The following ATR variants were observed in gnomAD, a reference collection of about 807,000 sequenced individuals.
ATR encodes ATR checkpoint kinase, also known as serine/threonine-protein kinase ATR.
ATR carries 142 observed loss-of-function variants against 305.3 expected under a neutral mutation model. The observed-to-expected ratio is 0.47, with a 90% confidence interval of 0.41 to 0.53. ATR has a LOEUF of 0.53. Among genes scored for constraint, ATR ranks in the 20% least tolerant of loss-of-function variants. The probability of loss-of-function intolerance (pLI) is 0.00; values close to 1 mark genes in which losing one functional copy is unlikely to be tolerated. For synonymous variants in ATR, 1,050 were observed against 1,068.1 expected, an observed-to-expected ratio of 0.98 and a Z score of 0.33; for missense variants, 2,135 against 3,133.1, an observed-to-expected ratio of 0.68 and a Z score of 7.60.
rs200133147 is a variant in ATR at position 142,536,121 on chromosome 3, T to C, written c.3806A>G (p.Gln1269Arg). 1.3e-6 allele frequency: 2 copies of C among 1,576,926 alleles called. No homozygotes were observed. The highest frequency in any genetic ancestry group is 1.7e-5 in the Admixed American group (1 of 59,814). Reference sequence around the variant, plus strand: ...AAAATTAAATACCTTTCTGTATTCCTGGAGAACGGCTTTTATCTTTTTTAA... The same window carrying C: ...AAAATTAAATACCTTTCTGTATTCCCGGAGAACGGCTTTTATCTTTTTTAA... ...PELKKIKAVL[Q>R]EYRKETSEST... Residue 1269 changes from glutamine to arginine, a missense_variant, in exon 20 of 47, where the codon CAG becomes CGG. Transcript: ENST00000350721.
rs947429668 is a variant in ATR at position 142,535,100 on chromosome 3, C to T, written c.3925G>A (p.Glu1309Lys). 12 of 1,612,346 alleles carry T rather than the reference C, an allele frequency of 7.4e-6. No homozygotes were observed. The highest frequency in any genetic ancestry group is 1.0e-5 in the Non-Finnish European group (12 of 1,178,842). The change falls in exon 21 of 47, where the codon GAA (glutamate) becomes AAA (lysine). Residue 1309 changes from glutamate to lysine, a missense_variant. Transcript: ENST00000350721. Reference protein sequence around the residue: ...VRIHALTSLKETLYKNQEKLI... With the variant: ...VRIHALTSLKKTLYKNQEKLI... ...CATACCTGATTTTTATACAAGGTTTCCTTCAAGCTTGTAAGAGCATGAATA... is the reference window on the plus strand; with the variant it reads ...CATACCTGATTTTTATACAAGGTTTTCTTCAAGCTTGTAAGAGCATGAATA...
chr3:142,500,443 T>C (rs1312710503), intron 30 of ATR, among the ~76,000 whole-genome samples: 2 of 152,202 alleles, frequency 1.3e-5, no homozygotes, highest in Non-Finnish European at 2.9e-5. Flanking sequence ...TTCCTCATGT[T>C]TCTTTTTTAT....
intron 16 of ATR, among the ~76,000 whole-genome samples, chr3:142,543,479 A>G (rs1031793771): frequency 4.7e-5 from 4 of 84,632 alleles, no homozygotes; most frequent in Admixed American, 3.3e-4. Flanking sequence ...CTTCCCTTCC[A>G]TTCCTCCCTC....
chr3:142,567,342 C>T (rs753534336), intron 2 of ATR, among the ~76,000 whole-genome samples: 4 of 152,082 alleles, frequency 2.6e-5, no homozygotes, highest in Non-Finnish European at 2.9e-5. Flanking sequence ...GTAGTCTAAA[C>T]GGAGGGAATA....
intron 36 of ATR, among the ~76,000 whole-genome samples, chr3:142,471,046 C>T (rs1389040301): frequency 6.6e-6 from 1 of 152,092 alleles, no homozygotes; most frequent in Non-Finnish European, 1.5e-5. Flanking sequence ...ATTCCCCCTC[C>T]AGAACTTTTT....
At chr3:142,518,920 C>T (rs2033025222) in intron 24 of ATR, among the ~76,000 whole-genome samples, 1 of 152,050 alleles carries the variant, frequency 6.6e-6, no homozygotes, top group Admixed American at 6.6e-5. Context: ...AGATTAAATA[C>T]ATTTTTTTAA....
intron 18 of ATR, 35 bp downstream of exon 18, chr3:142,540,869 A>C (rs2034025475): frequency 6.4e-7 from 1 of 1,560,068 alleles, no homozygotes; most frequent in Non-Finnish European, 8.7e-7. Context: ...AAATGCAAAA[A>C]AAAAAAAAAT....
At chr3:142,470,735 C>G (rs140269332) in intron 36 of ATR, among the ~76,000 whole-genome samples, 1 of 152,042 alleles carries the variant, frequency 6.6e-6, no homozygotes, top group African/African-American at 2.4e-5. Flanking sequence ...CTTTTATCTC[C>G]ATAATTTTCC....
At chr3:142,507,489 G>A (rs978720858) in intron 28 of ATR, among the ~76,000 whole-genome samples, 124 of 152,032 alleles carry the variant, frequency 8.2e-4, no homozygotes, top group African/African-American at 2.8e-3. Context: ...TCCCTAGTTC[G>A]CACCCTCCAA....
intron 24 of ATR, among the ~76,000 whole-genome samples, chr3:142,516,041 T>G: frequency 6.6e-6 from 1 of 152,214 alleles, no homozygotes; most frequent in South Asian, 2.1e-4. Context: ...TTCTTCACTT[T>G]GAAATCAATT....
intron 33 of ATR, 44 bp downstream of exon 33, chr3:142,496,969 A>C (rs769733556): frequency 1.3e-6 from 2 of 1,570,772 alleles, no homozygotes; most frequent in Non-Finnish European, 1.7e-6. Flanking sequence ...CCAAATACCA[A>C]ATTCAAGATA....
intron 18 of ATR, 104 bp downstream of exon 18, chr3:142,540,796 CTTAT>C (rs2034023194): frequency 7.7e-7 from 1 of 1,293,964 alleles, no homozygotes; most frequent in Non-Finnish European, 1.1e-6. Context: ...GTCTTTCTAC[CTTAT>C]TTATTATTTG....
At chr3:142,517,001 A>T (rs1024193624) in intron 24 of ATR, among the ~76,000 whole-genome samples, 1 of 148,544 alleles carries the variant, frequency 6.7e-6, no homozygotes, top group Admixed American at 6.7e-5. Flanking sequence ...ATATATATAT[A>T]TATATACATA....
chr3:142,545,825 T>G (rs2034250173), intron 16 of ATR, among the ~76,000 whole-genome samples: 1 of 152,204 alleles, frequency 6.6e-6, no homozygotes, highest in African/African-American at 2.4e-5. Flanking sequence ...TCTCAGGTTT[T>G]GTCTCATGCA....
intron 28 of ATR, among the ~76,000 whole-genome samples, chr3:142,506,776 T>C (rs771223203): frequency 2.8e-4 from 42 of 152,158 alleles, no homozygotes; most frequent in Non-Finnish European, 4.3e-4. Flanking sequence ...TAATGAATCA[T>C]GAAGCAAGAT....
intron 30 of ATR, among the ~76,000 whole-genome samples, chr3:142,501,007 A>T (rs2031930614): frequency 6.6e-6 from 1 of 152,216 alleles, no homozygotes; most frequent in Non-Finnish European, 1.5e-5. Context: ...TATCCACATA[A>T]ATGGGTACAT....
At chr3:142,528,877 A>AGTTTTTTTT (rs2033517579) in intron 21 of ATR, among the ~76,000 whole-genome samples, 1 of 47,712 alleles carries the variant, frequency 2.1e-5, no homozygotes, top group Non-Finnish European at 3.4e-5. Context: ...ATATATATAT[A>AGTTTTTTTT]TATTTTTTTT....
intron 28 of ATR, among the ~76,000 whole-genome samples, chr3:142,507,087 T>C (rs561298431): frequency 1.8e-4 from 28 of 152,292 alleles, no homozygotes; most frequent in African/African-American, 6.7e-4. Context: ...GACTTAAAGC[T>C]GGACAAGGAG....
At chr3:142,481,392 G>T (rs1353063804) in intron 36 of ATR, among the ~76,000 whole-genome samples, 1 of 152,154 alleles carries the variant, frequency 6.6e-6, no homozygotes, top group Non-Finnish European at 1.5e-5. Context: ...TTGCATTCTG[G>T]AGTAAATTCC....
Sources: gnomAD v4.1 joint callset for allele counts (sites outside exome capture counted in the v4.1 genomes callset) on GRCh38, gnomAD v4.1.1 for gene constraint, MANE v1.5 for transcripts, NCBI Gene and HGNC (gene_info 2026-07-23, HGNC 2026-07-21) for gene names.